ZNF540: variants seen among roughly 807,000 people sequenced by gnomAD.
ZNF540 encodes the protein CTD-3064H18.6.
A neutral mutation model predicts 11.8 loss-of-function variants in ZNF540; 3 were observed. The ratio of observed to expected loss-of-function variants is 0.25; its 90% CI spans 0.12 to 0.65. ZNF540 has a LOEUF of 0.65. Among genes scored for constraint, ZNF540 ranks in the 30% least tolerant of loss-of-function variants. ZNF540 has a pLI of 0.83. For synonymous variants in ZNF540, 247 were observed against 259.0 expected (o/e 0.95, Z 0.45); for missense variants, 709 against 793.1 (o/e 0.89, Z 1.27).
At chr19:37,589,450 A>T (rs1347192483) in intron 1 of ZNF540, among the ~76,000 whole-genome samples, 1 of 151,966 alleles carries the variant, frequency 6.6e-6, no homozygotes, top group East Asian at 1.9e-4. Flanking sequence ...GAGAAAGACA[A>T]AAAAATCATT....
chr19:37,557,498 C>T (rs1486108063), intron 1 of ZNF540, among the ~76,000 whole-genome samples: 2 of 152,148 alleles, frequency 1.3e-5, no homozygotes. Context: ...GAGGTGTTTG[C>T]TGGTAAAGCC....
intron 1 of ZNF540, among the ~76,000 whole-genome samples, chr19:37,579,245 G>T (rs1318272896): frequency 6.6e-6 from 1 of 152,188 alleles, no homozygotes; most frequent in East Asian, 1.9e-4. Flanking sequence ...CTGCAGTCCA[G>T]CCCCTTCAGG....
intron 1 of ZNF540, among the ~76,000 whole-genome samples, chr19:37,584,445 AATAC>A (rs1170091475): frequency 6.6e-6 from 1 of 152,246 alleles, no homozygotes; most frequent in Non-Finnish European, 1.5e-5. Flanking sequence ...ACTCTCAATT[AATAC>A]AAGTTCTTGC....
intron 1 of ZNF540, among the ~76,000 whole-genome samples, chr19:37,559,907 GC>G (rs1162483689): frequency 1.3e-5 from 2 of 152,306 alleles, no homozygotes; most frequent in African/African-American, 4.8e-5. Flanking sequence ...CCACACTTGA[GC>G]ACAGAAGAAA....
At position 37,612,654 on chromosome 19, in the gene ZNF540, G is replaced by A; in HGVS notation, c.1374G>A (p.Gln458=). Residue 458 remains glutamine, a synonymous_variant, in exon 5 of 5, where the codon CAG becomes CAA. Transcript: ENST00000316433. ...TTCGTTCAGTCCTTACTGAACATCAGAGACTTCATACTGGTGTGAAGCCCT... is the reference window on the plus strand; with the variant it reads ...TTCGTTCAGTCCTTACTGAACATCAAAGACTTCATACTGGTGTGAAGCCCT... ...FMLRSVLTEH[Q]RLHTGVKPYE... The A allele has an allele frequency of 1.2e-6, 2 of 1,614,098 alleles. 1 individual carries two copies. The highest frequency in any genetic ancestry group is 4.5e-5 in the East Asian group (2 of 44,872).
Position 37,566,174 on chromosome 19 carries a change from C to T in ZNF540, c.-73+14509C>T, listed in dbSNP as rs757680166. The T allele has an allele frequency of 1.9e-5, 30 of 1,614,008 alleles. No homozygotes were observed. In the South Asian group the frequency reaches 2.9e-4, roughly 15 times the overall value. On this transcript the variant is annotated intron_variant, in intron 1 of 4. Coordinates refer to the ZNF540 transcript ENST00000592533. The stretch of plus-strand genomic sequence containing the variant: ...TTTGCACTCCATATTGTCTCCAAGA[C>T]CATTGTATTGAAGGTGATGGTTGAT...
chr19:37,580,331 C>T (rs1199792602), intron 1 of ZNF540, among the ~76,000 whole-genome samples: 1 of 152,236 alleles, frequency 6.6e-6, no homozygotes, highest in East Asian at 1.9e-4. Flanking sequence ...GCAGTCTTCA[C>T]CATCACAGGA....
At position 37,583,973 on chromosome 19, in the gene ZNF540, A is replaced by C. The variant is rs926797637; in HGVS notation, c.-72-14403A>C. On this transcript the variant is annotated intron_variant, in intron 1 of 4. Transcript: ENST00000592533. ...AATATTACGTAGGATGATCTTACCC[A>C]ATGAGATCAGGTTGCTGTAGTTCTC... 4 of 1,606,836 alleles carry C rather than the reference A, an allele frequency of 2.5e-6. No individual in the cohort carries two copies. The African/African-American group carries it at 4.0e-5, about 16-fold the overall frequency.
intron 4 of ZNF540, among the ~76,000 whole-genome samples, chr19:37,602,320 G>A (rs1300920675): frequency 2.0e-5 from 3 of 152,122 alleles, no homozygotes; most frequent in African/African-American, 7.2e-5. Context: ...CATCAAGATC[G>A]AGATGTTGAA....
At chr19:37,601,747 T>G (rs1178770519) in intron 4 of ZNF540, among the ~76,000 whole-genome samples, 1 of 152,224 alleles carries the variant, frequency 6.6e-6, no homozygotes, top group Non-Finnish European at 1.5e-5. Flanking sequence ...TTAGGCCATG[T>G]GAATATCTGG....
upstream of ZNF540, among the ~76,000 whole-genome samples, chr19:37,593,888 G>A (rs1263338480): frequency 6.6e-6 from 1 of 152,118 alleles, no homozygotes. Context: ...GGAAGATGTT[G>A]CTGGAGGTAG....
intron 1 of ZNF540, among the ~76,000 whole-genome samples, chr19:37,568,023 A>T (rs1393192090): frequency 1.3e-5 from 2 of 152,224 alleles, no homozygotes; most frequent in African/African-American, 2.4e-5. Context: ...AATCTCCTAG[A>T]AATAGTGACA....
At chr19:37,611,059 T>C in intron 4 of ZNF540, 1 of 152,238 alleles carries the variant, frequency 6.6e-6, no homozygotes. Flanking sequence ...TTAGCTCTTG[T>C]AGCCCAGGCT....
chr19:37,602,704 T>G (rs1020652878), intron 4 of ZNF540, among the ~76,000 whole-genome samples: 1 of 152,094 alleles, frequency 6.6e-6, no homozygotes, highest in African/African-American at 2.4e-5. Context: ...TGGAGAGTGG[T>G]ACCAAAAAAG....
At chr19:37,568,169 T>G (rs1230270987) in intron 1 of ZNF540, among the ~76,000 whole-genome samples, 1 of 152,272 alleles carries the variant, frequency 6.6e-6, no homozygotes, top group South Asian at 2.1e-4. Context: ...ATATAGGCTG[T>G]AGAATAACAA....
At chr19:37,560,293 AAAATAT>A (rs2042703107) in intron 1 of ZNF540, 1 of 152,054 alleles carries the variant, frequency 6.6e-6, no homozygotes, top group Non-Finnish European at 1.5e-5. Context: ...GAAAAAAATA[AAAATAT>A]AAATAAAAAT....
exon 1 of ZNF540, chr19:37,551,648 C>T (rs2042606167): frequency 6.6e-6 from 1 of 152,398 alleles, no homozygotes; most frequent in Non-Finnish European, 1.5e-5. Flanking sequence ...TGAACGTTGT[C>T]CCGCCTGGGA....
intron 1 of ZNF540, among the ~76,000 whole-genome samples, chr19:37,577,272 AC>A (rs952720787): frequency 3.9e-5 from 6 of 152,180 alleles, no homozygotes; most frequent in Non-Finnish European, 5.9e-5. Flanking sequence ...GTAAATCATA[AC>A]AAAGTAAGCA....
chr19:37,562,211 T>C (rs2042724372), intron 1 of ZNF540, among the ~76,000 whole-genome samples: 1 of 152,044 alleles, frequency 6.6e-6, no homozygotes, highest in Non-Finnish European at 1.5e-5. Context: ...GGAGAAACCC[T>C]GCCTCTACTA....
Sources: allele counts gnomAD v4.1 joint callset (sites outside exome capture counted in the v4.1 genomes callset), GRCh38; gene constraint gnomAD v4.1.1; transcripts MANE v1.5; gene names NCBI Gene and HGNC (gene_info 2026-07-23, HGNC 2026-07-21).